Variants in FBXW4 observed in about 807,000 individuals in gnomAD.
FBXW4 encodes F-box and WD repeat domain containing 4.
FBXW4 carries 40 observed loss-of-function variants against 61.8 expected under a neutral mutation model. That is an observed-to-expected ratio of 0.65 (90% CI 0.50 to 0.84). FBXW4 has a LOEUF of 0.84. Among genes scored for constraint, FBXW4 ranks in the 40% least tolerant of loss-of-function variants. The pLI is 0.00. For synonymous variants in FBXW4, 311 were observed against 313.8 expected (o/e 0.99, Z 0.10); for missense variants, 672 against 753.8 (o/e 0.89, Z 1.27).
In FBXW4 at chr10:101,611,622, A is replaced by T; in HGVS notation, c.1584+6T>A. The T allele has an allele frequency of 6.2e-7, 1 of 1,613,982 alleles. No individual in the cohort carries two copies. The highest frequency in any genetic ancestry group is 1.1e-5 in the South Asian group (1 of 91,078). On this transcript the variant is annotated splice_donor_region_variant and intron_variant, in intron 8 of 8. Coordinates refer to ENST00000331272, the MANE Select transcript of FBXW4 (RefSeq NM_022039.4). This position sits in a 1 kb window ranked among gnomAD's most constrained non-coding sequence, Gnocchi z 4.9. ...ATGCTGGAGAAGAGGTGGGCAGGACACTTACGTGCAGGCAGGCCCTTTGAC... is the reference window on the plus strand; with the variant it reads ...ATGCTGGAGAAGAGGTGGGCAGGACTCTTACGTGCAGGCAGGCCCTTTGAC...
intron 5 of FBXW4, among the ~76,000 whole-genome samples, chr10:101,651,735 C>G (rs1411791355): frequency 2.0e-5 from 3 of 151,968 alleles, no homozygotes; most frequent in Non-Finnish European, 2.9e-5. Flanking sequence ...GTACTCTTGG[C>G]CTTTGGACAT....
At position 101,611,037 on chromosome 10, in the gene FBXW4, C is replaced by T. The variant is rs1329557651; in HGVS notation, c.*254G>A. ...TCCTTGCTCTGGCCAAACAGGGACG[C>T]AAGGCCCGGGTTCAGCCGCACTCTA... On this transcript the variant is annotated 3_prime_UTR_variant, in exon 9 of 9. Transcript: ENST00000331272. The surrounding 1 kb of genome is among the most constrained non-coding windows in gnomAD (Gnocchi z 4.9). 1 of 393,894 alleles carries T rather than the reference C, an allele frequency of 2.5e-6. No homozygotes were observed. Among genetic ancestry groups the T allele is most frequent in the African/African-American group, 2.0e-5 (1 of 48,856 alleles). The allele number at this position is 393,894 out of a possible 1,614,324, so 24.4% of individuals were successfully genotyped here. A position where few individuals can be genotyped will look rare whatever the true frequency, so the allele number is the denominator to read the frequency against.
In FBXW4 at chr10:101,694,256, CAGGTGT is replaced by C; in HGVS notation, c.725+119_725+124del. On this transcript the variant is annotated intron_variant, in intron 1 of 8. Transcript: ENST00000331272. The surrounding 1 kb of genome is among the most constrained non-coding windows in gnomAD (Gnocchi z 6.0). ...CTCGGGAAAGGGTGTAGGCGGAGGT[CAGGTGT>C]AGGCCTAGAAACTCGGGGTGCGACA... 1 of 896,642 alleles carries C rather than the reference CAGGTGT, an allele frequency of 1.1e-6. No individual in the cohort carries two copies. The highest frequency in any genetic ancestry group is 1.5e-6 in the Non-Finnish European group (1 of 663,164). The allele number at this position is 896,642 out of a possible 1,614,324, so 55.5% of individuals were successfully genotyped here.
At chr10:101,687,473 TCTC>T (rs1430237634) in intron 1 of FBXW4, among the ~76,000 whole-genome samples, 2 of 152,070 alleles carry the variant, frequency 1.3e-5, no homozygotes, top group African/African-American at 2.4e-5. Context: ...GCCCATCTGT[TCTC>T]CTCAATATGA....
chr10:101,623,465 T>C (rs947540849), intron 6 of FBXW4, among the ~76,000 whole-genome samples: 4 of 152,128 alleles, frequency 2.6e-5, no homozygotes, highest in African/African-American at 9.7e-5. Context: ...GTGAAGAAAT[T>C]GGATCTCTCA....
intron 5 of FBXW4, among the ~76,000 whole-genome samples, chr10:101,635,842 G>GAA (rs764437277): frequency 4.5e-4 from 55 of 121,042 alleles, no homozygotes; most frequent in South Asian, 2.0e-3. Flanking sequence ...CCCGGTCTCA[G>GAA]AAAAAAAAAA....
intron 5 of FBXW4, among the ~76,000 whole-genome samples, chr10:101,655,146 A>C (rs1288583399): frequency 1.3e-5 from 2 of 152,172 alleles, no homozygotes; most frequent in Admixed American, 1.3e-4. Flanking sequence ...TGTGTTCTTA[A>C]TGTAAGTCTT....
chr10:101,691,994 T>C (rs543613775), intron 1 of FBXW4, among the ~76,000 whole-genome samples: 1 of 152,218 alleles, frequency 6.6e-6, no homozygotes, highest in South Asian at 2.1e-4. Context: ...ACGAAATGCA[T>C]AACATTTTCG....
At chr10:101,678,791 C>T (rs891408591) in intron 1 of FBXW4, among the ~76,000 whole-genome samples, 1 of 152,264 alleles carries the variant, frequency 6.6e-6, no homozygotes. Context: ...TACTAAAAGC[C>T]AGCAAGCAAG....
chr10:101,612,307 C>A (rs377127804), intron 7 of FBXW4, 30 bp downstream of exon 7: 17 of 1,507,586 alleles, frequency 1.1e-5, no homozygotes, highest in African/African-American at 4.2e-5. Flanking sequence ...AGGGCCCCCA[C>A]CACCTGTCCT....
chr10:101,695,292 C>A (rs1028534288), upstream of FBXW4: 1 of 726,516 alleles, frequency 1.4e-6, no homozygotes, highest in Non-Finnish European at 1.7e-6. The surrounding 1 kb of genome is among the most constrained non-coding windows in gnomAD (Gnocchi z 4.2). Context: ...GCGCTGACAC[C>A]ACCCCCGCAT....
At position 101,628,026 on chromosome 10, in the gene FBXW4, C is replaced by G. The variant is rs535251102; in HGVS notation, c.1236-3216G>C. ...CGCGAGATGTCTTCAACCAGATTCT[C>G]GTCACATCCCTCACGGTGCTGGCTC... On this transcript the variant is annotated intron_variant, in intron 5 of 8. Transcript: ENST00000331272. The G allele has an allele frequency of 4.1e-6, 4 of 977,280 alleles. No homozygotes were observed. In the Admixed American group the frequency reaches 1.8e-4, roughly 45 times the overall value. 60.5% of individuals were successfully genotyped at this position (977,280 alleles called of 1,614,324 possible).
In FBXW4 at chr10:101,694,852, G is replaced by A. The variant is rs2064659808; in HGVS notation, c.254C>T (p.Ala85Val). 3 of 1,278,298 alleles carry A rather than the reference G, an allele frequency of 2.3e-6. No individual in the cohort carries two copies. The African/African-American group carries it at 4.6e-5, about 20-fold the overall frequency. The allele number at this position is 1,278,298 out of a possible 1,614,324, so 79.2% of individuals were successfully genotyped here. A position where few individuals can be genotyped will look rare whatever the true frequency, so the allele number is the denominator to read the frequency against. ...TTCCTCCACGCTTCTGCCTCCCTCT[G>A]CTTCCTCCCTTGGGCATGCCCTCGC... ...AGARACPREE[A>V]EGGRSVEEGA... Residue 85 changes from alanine (A) to valine (V), a missense_variant, in exon 1 of 9, where the codon GCA (alanine) becomes GTA (valine). By Grantham distance (64) the Ala-to-Val change is moderately conservative. This residue lies in a region of FBXW4 where 311 missense variants were observed against 301.1 expected (regional missense o/e 1.03). Coordinates refer to ENST00000331272, the MANE Select transcript of FBXW4 (RefSeq NM_022039.4). The surrounding 1 kb of genome is among the most constrained non-coding windows in gnomAD (Gnocchi z 6.0).
Position 101,691,600 on chromosome 10 carries a change from G to T in FBXW4, c.725+2781C>A, listed in dbSNP as rs555657331. Among the ~76,000 whole-genome samples, 67 of 152,142 alleles carry T rather than the reference G, an allele frequency of 4.4e-4. 1 individual carries two copies. The South Asian group carries it at 5.8e-3, about 13-fold the overall frequency. On this transcript the variant is annotated intron_variant, in intron 1 of 8. Coordinates refer to ENST00000331272, the MANE Select transcript of FBXW4 (RefSeq NM_022039.4). Reference sequence around the variant, plus strand: ...GTTGTTATTATTGCTACAGAATGTAGATTCATTCCCAATATCTCTCTTTTA... The same window carrying T: ...GTTGTTATTATTGCTACAGAATGTATATTCATTCCCAATATCTCTCTTTTA...
chr10:101,644,132 G>T (rs1193133073), intron 5 of FBXW4, among the ~76,000 whole-genome samples: 1 of 152,220 alleles, frequency 6.6e-6, no homozygotes, highest in Non-Finnish European at 1.5e-5. Flanking sequence ...CAGGGAAATG[G>T]TAATTTTCAG....
intron 5 of FBXW4, among the ~76,000 whole-genome samples, chr10:101,631,011 G>A (rs2063950908): frequency 6.6e-6 from 1 of 151,984 alleles, no homozygotes; most frequent in South Asian, 2.1e-4. Context: ...AGGAAGGGAG[G>A]CCCTAGGACC....
In FBXW4 at chr10:101,660,259, C is replaced by T. The variant is rs994472154; in HGVS notation, c.1235+7627G>A. The T allele has an allele frequency of 5.1e-6, 5 of 984,810 alleles. No homozygotes were observed. The African/African-American group carries it at 8.8e-5, about 17-fold the overall frequency. The allele number at this position is 984,810 out of a possible 1,614,324, so 61.0% of individuals were successfully genotyped here. The stretch of plus-strand genomic sequence containing the variant: ...TCCAGCTCCAGGAATTCCCTTTGAA[C>T]CTCCGACTGCAACACAGATTAGGAT... On this transcript the variant is annotated intron_variant, in intron 5 of 8. Transcript: ENST00000331272.
At chr10:101,630,660 G>C (rs2063945810) in intron 5 of FBXW4, among the ~76,000 whole-genome samples, 1 of 152,220 alleles carries the variant, frequency 6.6e-6, no homozygotes, top group Non-Finnish European at 1.5e-5. Context: ...CACTGTGAGG[G>C]AGAGACCAGT....
intron 5 of FBXW4, among the ~76,000 whole-genome samples, chr10:101,631,834 A>G (rs559504863): frequency 1.1e-4 from 17 of 152,212 alleles, no homozygotes; most frequent in Admixed American, 7.2e-4. Flanking sequence ...TCGCCGTGTT[A>G]GCCAGGATGG....
Sources: allele counts gnomAD v4.1 joint callset (sites outside exome capture counted in the v4.1 genomes callset), GRCh38; gene constraint gnomAD v4.1.1; regional missense constraint gnomAD v4.1.1; non-coding constraint Gnocchi (gnomAD v3.1); transcripts MANE v1.5; gene names NCBI Gene and HGNC (gene_info 2026-07-23, HGNC 2026-07-21).